Variants in ALPK2 observed in about 807,000 individuals in gnomAD.
ALPK2 encodes alpha kinase 2.
A neutral mutation model predicts 163.1 loss-of-function variants in ALPK2; 127 were observed. That is an observed-to-expected ratio of 0.78 (90% CI 0.67 to 0.90). ALPK2 has a LOEUF of 0.90. ALPK2 is among the 40% of genes least tolerant of loss of function. The pLI, the probability that ALPK2 is intolerant of heterozygous loss-of-function variation, is 0.00. For synonymous variants in ALPK2, 953 were observed against 959.1 expected (o/e 0.99, Z 0.12); for missense variants, 2,360 against 2,589.6 (o/e 0.91, Z 1.92).
At chr18:58,524,905 G>T (rs1602200733) in intron 6 of ALPK2, among the ~76,000 whole-genome samples, 2 of 144,580 alleles carry the variant, frequency 1.4e-5, no homozygotes, top group African/African-American at 5.2e-5. Context: ...CATAGGGAGA[G>T]CCACATATTT....
At chr18:58,539,767 A>G (rs1296616197) in intron 4 of ALPK2, among the ~76,000 whole-genome samples, 1 of 152,202 alleles carries the variant, frequency 6.6e-6, no homozygotes, top group Non-Finnish European at 1.5e-5. Context: ...CTCATAAATC[A>G]TACATGACAG....
intron 6 of ALPK2, among the ~76,000 whole-genome samples, chr18:58,525,731 G>T (rs942264470): frequency 2.0e-5 from 3 of 152,128 alleles, no homozygotes; most frequent in Non-Finnish European, 1.5e-5. Context: ...CCGCTCAGAT[G>T]TGTCATGAGG....
At chr18:58,564,579 G>A (rs1389325136) in intron 4 of ALPK2, among the ~76,000 whole-genome samples, 1 of 140,482 alleles carries the variant, frequency 7.1e-6, no homozygotes, top group Admixed American at 7.1e-5. Context: ...TTTCCTTTTT[G>A]CTTAGACAGA....
intron 1 of ALPK2, among the ~76,000 whole-genome samples, chr18:58,625,823 T>A (rs1029911159): frequency 6.6e-6 from 1 of 152,236 alleles, no homozygotes; most frequent in Non-Finnish European, 1.5e-5. Context: ...ATTGAGCTTC[T>A]CTTCAACTTG....
At chr18:58,603,624 G>C (rs1447798972) in intron 3 of ALPK2, among the ~76,000 whole-genome samples, 5 of 152,208 alleles carry the variant, frequency 3.3e-5, no homozygotes, top group South Asian at 2.1e-4. Context: ...CTGCTGAGGA[G>C]GGGGTATATC....
chr18:58,517,911 T>A (rs1299843040), intron 8 of ALPK2, among the ~76,000 whole-genome samples: 2 of 152,222 alleles, frequency 1.3e-5, no homozygotes, highest in East Asian at 3.9e-4. Context: ...AAAAGAAAAG[T>A]AGAATTATTT....
At chr18:58,598,854 T>C (rs1200920636) in intron 3 of ALPK2, among the ~76,000 whole-genome samples, 1 of 152,218 alleles carries the variant, frequency 6.6e-6, no homozygotes, top group Non-Finnish European at 1.5e-5. Context: ...AAGGTAGGGC[T>C]GACTCCAAGA....
At chr18:58,512,864 TTGTA>T (rs2051499279) in intron 10 of ALPK2, among the ~76,000 whole-genome samples, 1 of 136,556 alleles carries the variant, frequency 7.3e-6, no homozygotes, top group Non-Finnish European at 1.6e-5. Flanking sequence ...GTGTGGTGTG[TTGTA>T]TGTGTGGTGT....
At chr18:58,560,910 C>A (rs2144176308) in intron 4 of ALPK2, among the ~76,000 whole-genome samples, 1 of 152,242 alleles carries the variant, frequency 6.6e-6, no homozygotes, top group South Asian at 2.1e-4. Flanking sequence ...AGGCCTATGC[C>A]CCAGAATGGC....
At chr18:58,540,831 T>A (rs1335957645) in intron 4 of ALPK2, among the ~76,000 whole-genome samples, 1 of 152,220 alleles carries the variant, frequency 6.6e-6, no homozygotes, top group African/African-American at 2.4e-5. Context: ...GGCAATTTTT[T>A]CCAAAGGGCT....
chr18:58,506,824 G>A (rs2051464299), intron 10 of ALPK2, among the ~76,000 whole-genome samples: 1 of 152,216 alleles, frequency 6.6e-6, no homozygotes, highest in African/African-American at 2.4e-5. Context: ...GGGCCGTCCT[G>A]TGCACGTAGC....
Position 58,506,845 on chromosome 18 carries a change from G to T in ALPK2, c.6030-2697C>A, listed in dbSNP as rs116847428. 3.1e-4 allele frequency among the ~76,000 whole-genome samples: 47 copies of T among 152,256 alleles called. 1 individual carries two copies. The East Asian group carries it at 3.9e-3, about 12-fold the overall frequency. On this transcript the variant is annotated intron_variant, in intron 10 of 12. Coordinates refer to ENST00000361673, the MANE Select transcript of ALPK2 (RefSeq NM_052947.4). Reference sequence around the variant, plus strand: ...TCCTGTGCACGTAGCCTGTTTAGCCGCCTCCCTGGCTTCTACTTCCCAGAT... The same window carrying T: ...TCCTGTGCACGTAGCCTGTTTAGCCTCCTCCCTGGCTTCTACTTCCCAGAT...
At chr18:58,514,953 G>A (rs370040110) in intron 10 of ALPK2, 40 bp downstream of exon 10, 29 of 1,511,526 alleles carry the variant, frequency 1.9e-5, no homozygotes, top group Admixed American at 1.1e-4. Flanking sequence ...AGTCCCCAAC[G>A]AGTCAGGAGT....
Position 58,626,553 on chromosome 18 carries a change from A to G in ALPK2, c.-21+2211T>C, listed in dbSNP as rs552170746. ...TTTTCATCATGATCACAGGCCTTTC[A>G]TTACTATGGATTCCCAAACACTCAT... On this transcript the variant is annotated intron_variant, in intron 1 of 12. Coordinates refer to ENST00000361673, the MANE Select transcript of ALPK2 (RefSeq NM_052947.4). Among the ~76,000 whole-genome samples the G allele has an allele frequency of 2.6e-5, 4 of 152,038 alleles. No homozygotes were observed. In the South Asian group the frequency reaches 8.3e-4, roughly 32 times the overall value.
At chr18:58,539,106 A>G (rs562634299) in intron 4 of ALPK2, among the ~76,000 whole-genome samples, 1 of 152,352 alleles carries the variant, frequency 6.6e-6, no homozygotes, top group East Asian at 1.9e-4. Context: ...CATGAAGTGC[A>G]CTAAGATAAC....
intron 1 of ALPK2, among the ~76,000 whole-genome samples, chr18:58,620,936 G>A (rs974312576): frequency 6.6e-5 from 10 of 152,142 alleles, no homozygotes; most frequent in South Asian, 2.1e-4. Flanking sequence ...TGGGTGGATC[G>A]CTTGAGCCCA....
Position 58,604,974 on chromosome 18 carries a change from T to C in ALPK2, c.227+2348A>G, listed in dbSNP as rs58962333. Among the ~76,000 whole-genome samples, 991 of 152,314 alleles carry C rather than the reference T, an allele frequency of 6.5e-3. 14 individuals are homozygous for C. Among genetic ancestry groups the C allele is most frequent in the African/African-American group, 0.023 (940 of 41,556 alleles). On this transcript the variant is annotated intron_variant, in intron 3 of 12. Transcript: ENST00000361673. ...ATCCTGTATATGGAACATAAAACAG[T>C]AATAGCAAATCTCAATTCTTAACAC...
At position 58,535,903 on chromosome 18, in the gene ALPK2, C is replaced by T; in HGVS notation, c.4284G>A (p.Gln1428=). The change falls in exon 5 of 13, where the codon CAG becomes CAA. Residue 1428 remains glutamine, a synonymous_variant. Coordinates refer to ENST00000361673, the MANE Select transcript of ALPK2 (RefSeq NM_052947.4). ...TTGATTGACCCCCTTCTCTGGCGCC[C>T]TGTGGTGTGGTTTCAGAGGGCTCTG... ...GKPEPSETTP[Q]GAREGGQSND... 6.2e-7 allele frequency: 1 copy of T among 1,614,196 alleles called. No individual in the cohort carries two copies. The highest frequency in any genetic ancestry group is 8.5e-7 in the Non-Finnish European group (1 of 1,180,016).
intron 8 of ALPK2, among the ~76,000 whole-genome samples, chr18:58,517,571 C>A (rs4592736): frequency 6.6e-6 from 1 of 152,018 alleles, no homozygotes; most frequent in South Asian, 2.1e-4. Flanking sequence ...TCGGACCAAC[C>A]TTTCTTTCAT....
Sources: gnomAD v4.1 joint callset for allele counts (sites outside exome capture counted in the v4.1 genomes callset) on GRCh38, gnomAD v4.1.1 for gene constraint, MANE v1.5 for transcripts, NCBI Gene and HGNC (gene_info 2026-07-23, HGNC 2026-07-21) for gene names.